PUM2: variants seen among roughly 807,000 people sequenced by gnomAD.
PUM2 encodes the protein pumilio homolog 2.
Under a neutral mutation model 124.5 loss-of-function variants are expected in PUM2, and 57 were observed. The observed-to-expected ratio is 0.46, with a 90% CI of 0.37 to 0.57. The LOEUF is 0.57. PUM2 is among the 20% of genes least tolerant of loss of function. PUM2 has a pLI of 0.00. For synonymous variants in PUM2, 460 were observed against 446.1 expected (o/e 1.03, Z -0.39); for missense variants, 1,065 against 1,290.6 (o/e 0.83, Z 2.68).
chr2:20,294,614 A>G (rs1675067423), intron 8 of PUM2, 96 bp from the exon 9 acceptor site: 3 of 1,328,774 alleles, frequency 2.3e-6, no homozygotes, highest in Admixed American at 2.6e-5. Flanking sequence ...GGGGGCAGGA[A>G]GAAGACTTAG....
At chr2:20,272,348 A>G (rs555405297) in intron 13 of PUM2, among the ~76,000 whole-genome samples, 3 of 152,286 alleles carry the variant, frequency 2.0e-5, no homozygotes, top group South Asian at 2.1e-4. Flanking sequence ...TTGTGTGCAT[A>G]TGTGTATGTG....
At chr2:20,303,679 T>C (rs901538241) in intron 7 of PUM2, among the ~76,000 whole-genome samples, 1 of 152,196 alleles carries the variant, frequency 6.6e-6, no homozygotes, top group African/African-American at 2.4e-5. Context: ...CCTTTACATT[T>C]CCCATGTCTT....
chr2:20,308,725 C>T (rs1678931219), intron 5 of PUM2, 141 bp from the exon 6 acceptor site: 3 of 746,462 alleles, frequency 4.0e-6, no homozygotes, highest in Non-Finnish European at 6.2e-6. Context: ...CACCTTATCA[C>T]ATTTTTTTCT....
At position 20,263,139 on chromosome 2, in the gene PUM2, T is replaced by C. The variant is rs553329918; in HGVS notation, c.2225+54A>G. 111 of 1,497,858 alleles carry C rather than the reference T, an allele frequency of 7.4e-5. No homozygotes were observed. In the Middle Eastern group the frequency reaches 1.8e-3, roughly 24 times the overall value. The allele number at this position is 1,497,858 out of a possible 1,614,324, so 92.8% of individuals were successfully genotyped here. A position where few individuals can be genotyped will look rare whatever the true frequency, so the allele number is the denominator to read the frequency against. ...AAGTCCAGAAAAATTTAAGCTTTTA[T>C]AAGGCAGCAATTTTCAAAGCAAAAA... On this transcript the variant is annotated intron_variant, in intron 14 of 20. Transcript: ENST00000361078.
chr2:20,258,467 T>C, intron 15 of PUM2, 96 bp from the exon 16 acceptor site: 1 of 1,288,398 alleles, frequency 7.8e-7, no homozygotes, highest in Non-Finnish European at 1.1e-6. Context: ...ATTCTATCAG[T>C]AACTATGTAG....
intron 1 of PUM2, among the ~76,000 whole-genome samples, chr2:20,348,841 A>ACAGTTG (rs1321736261): frequency 1.3e-5 from 2 of 152,220 alleles, no homozygotes; most frequent in African/African-American, 4.8e-5. Context: ...AGGTGGAAGA[A>ACAGTTG]CAGTTGCAGC....
intron 9 of PUM2, among the ~76,000 whole-genome samples, chr2:20,294,084 C>CATT (rs1339329061): frequency 6.6e-6 from 1 of 152,074 alleles, no homozygotes; most frequent in Non-Finnish European, 1.5e-5. Context: ...TTGATAGGAA[C>CATT]ATTATTAACA....
chr2:20,301,670 C>T (rs1677013232), intron 7 of PUM2, among the ~76,000 whole-genome samples: 1 of 152,118 alleles, frequency 6.6e-6, no homozygotes, highest in Non-Finnish European at 1.5e-5. Context: ...TAATTTCAGC[C>T]TTCACCTCCC....
At chr2:20,324,067 T>C (rs918150491) in intron 2 of PUM2, among the ~76,000 whole-genome samples, 1 of 152,198 alleles carries the variant, frequency 6.6e-6, no homozygotes, top group African/African-American at 2.4e-5. Context: ...AGACAAACTA[T>C]GACCAGCTAT....
At chr2:20,306,246 G>A in intron 7 of PUM2, among the ~76,000 whole-genome samples, 1 of 152,026 alleles carries the variant, frequency 6.6e-6, no homozygotes, top group East Asian at 1.9e-4. Context: ...AAAAAAACCT[G>A]ATGCTTGATG....
At chr2:20,267,937 C>G (rs989302139) in intron 13 of PUM2, among the ~76,000 whole-genome samples, 1 of 152,134 alleles carries the variant, frequency 6.6e-6, no homozygotes, top group African/African-American at 2.4e-5. Context: ...ACTATGGATA[C>G]GAAAGGCAAG....
chr2:20,274,395 C>A (rs1033499857), intron 13 of PUM2, among the ~76,000 whole-genome samples: 2 of 152,086 alleles, frequency 1.3e-5, no homozygotes, highest in African/African-American at 4.8e-5. Flanking sequence ...AATTTTACTT[C>A]TCTGAATATT....
chr2:20,309,902 CAGA>C (rs1679227582), intron 5 of PUM2, among the ~76,000 whole-genome samples: 2 of 152,090 alleles, frequency 1.3e-5, no homozygotes, highest in African/African-American at 2.4e-5. Flanking sequence ...CTTGCAAAAT[CAGA>C]AGATTTCAAA....
intron 7 of PUM2, among the ~76,000 whole-genome samples, chr2:20,306,604 CT>C (rs752275959): frequency 0.067 from 8,445 of 126,438 alleles, 360 homozygotes; most frequent in African/African-American, 0.15. Context: ...TAAATGTGGA[CT>C]TTTTTTTTTT....
At chr2:20,345,754 C>G (rs1027669169) in intron 1 of PUM2, among the ~76,000 whole-genome samples, 28 of 152,192 alleles carry the variant, frequency 1.8e-4, no homozygotes, top group African/African-American at 6.7e-4. Context: ...CGCCTGTAAT[C>G]CCAGCTTCTT....
intron 1 of PUM2, among the ~76,000 whole-genome samples, chr2:20,344,413 G>C (rs941770257): frequency 6.6e-6 from 1 of 152,068 alleles, no homozygotes; most frequent in Non-Finnish European, 1.5e-5. Context: ...ATATAATCCA[G>C]GAAAACTAAC....
At chr2:20,325,625 T>C (rs75830570) in intron 2 of PUM2, among the ~76,000 whole-genome samples, 3,966 of 62,176 alleles carry the variant, frequency 0.064, 160 homozygotes, top group African/African-American at 0.18. Context: ...TCTCTTGTTC[T>C]TTTTTTTTTT....
chr2:20,330,794 C>T (rs1204878548), intron 1 of PUM2, among the ~76,000 whole-genome samples: 1 of 152,198 alleles, frequency 6.6e-6, no homozygotes, highest in Non-Finnish European at 1.5e-5. Context: ...TGACAACCTA[C>T]GACTTGCAAC....
chr2:20,276,059 AT>A (rs1204004670), intron 13 of PUM2, among the ~76,000 whole-genome samples: 1 of 151,976 alleles, frequency 6.6e-6, no homozygotes, highest in Non-Finnish European at 1.5e-5. Context: ...GAAGAATAAA[AT>A]TTTTTCATGC....
Sources: gnomAD v4.1 joint callset for allele counts (sites outside exome capture counted in the v4.1 genomes callset) on GRCh38, gnomAD v4.1.1 for gene constraint, MANE v1.5 for transcripts, NCBI Gene and HGNC (gene_info 2026-07-23, HGNC 2026-07-21) for gene names.